Variants in SERAC1 observed in about 807,000 individuals in gnomAD.
SERAC1 encodes serine active site containing 1.
Under a neutral mutation model 85.7 loss-of-function variants are expected in SERAC1, and 36 were observed. That is an observed-to-expected ratio of 0.42 (90% CI 0.32 to 0.55). The LOEUF is 0.55. Among genes scored for constraint, SERAC1 ranks in the 20% least tolerant of loss-of-function variants. The probability of loss-of-function intolerance (pLI) is 0.11; values close to 1 mark genes in which losing one functional copy is unlikely to be tolerated. For synonymous variants in SERAC1, 242 were observed against 265.3 expected, an observed-to-expected ratio of 0.91 and a Z score of 0.85; for missense variants, 629 against 796.2, an observed-to-expected ratio of 0.79 and a Z score of 2.53.
chr6:158,131,099 A>C (rs565058562), intron 8 of SERAC1, among the ~76,000 whole-genome samples: 2 of 151,916 alleles, frequency 1.3e-5, no homozygotes, highest in East Asian at 3.9e-4. Context: ...TTTTCTATTG[A>C]ATGTTTTCAA....
At chr6:158,113,362 A>T (rs1784192575) in intron 16 of SERAC1, 87 bp downstream of exon 16, 2 of 1,058,518 alleles carry the variant, frequency 1.9e-6, no homozygotes, top group South Asian at 3.0e-5. Context: ...TAAAACTGAG[A>T]ACCTGGATAT....
intron 10 of SERAC1, among the ~76,000 whole-genome samples, chr6:158,126,789 C>G (rs1463891419): frequency 6.6e-6 from 1 of 152,110 alleles, no homozygotes; most frequent in African/African-American, 2.4e-5. Context: ...ACAGGCCAGG[C>G]ATGGTAATCT....
intron 8 of SERAC1, among the ~76,000 whole-genome samples, chr6:158,132,481 G>T (rs1784700937): frequency 6.6e-6 from 1 of 152,128 alleles, no homozygotes; most frequent in South Asian, 2.1e-4. Context: ...GCTTTGTCGG[G>T]GGGTAGGAAT....
Position 158,117,701 on chromosome 6 carries a change from T to C in SERAC1, c.1403+26A>G. 1 of 1,613,236 alleles carries C rather than the reference T, an allele frequency of 6.2e-7. No homozygotes were observed. Among genetic ancestry groups the C allele is most frequent in the Non-Finnish European group, 8.5e-7 (1 of 1,179,254 alleles). On this transcript the variant is annotated intron_variant, in intron 13 of 16. Coordinates refer to ENST00000647468, the MANE Select transcript of SERAC1 (RefSeq NM_032861.4). This position sits in a 1 kb window ranked among gnomAD's most constrained non-coding sequence, Gnocchi z 4.3. ...TTGCGGCCTGAATTCTTCCCTGTCC[T>C]CCTGGTCTAAAGTCGCCTCTGTTAC...
intron 1 of SERAC1, among the ~76,000 whole-genome samples, chr6:158,160,723 A>G (rs1275807501): frequency 6.6e-6 from 1 of 152,210 alleles, no homozygotes; most frequent in Non-Finnish European, 1.5e-5. Flanking sequence ...CCTTTAGTAA[A>G]CAGCCACATT....
At chr6:158,125,207 A>G (rs1394384232) in intron 10 of SERAC1, among the ~76,000 whole-genome samples, 42 of 152,314 alleles carry the variant, frequency 2.8e-4, no homozygotes. Context: ...AGTGATTGCT[A>G]TCCCAACTGC....
intron 5 of SERAC1, among the ~76,000 whole-genome samples, chr6:158,148,007 A>C (rs952427322): frequency 6.6e-6 from 1 of 152,096 alleles, no homozygotes; most frequent in Non-Finnish European, 1.5e-5. Flanking sequence ...TATCACACCC[A>C]AAAACACTAA....
Position 158,119,090 on chromosome 6 carries a change from T to A in SERAC1, c.1247A>T (p.Glu416Val). 1 of 1,614,058 alleles carries A rather than the reference T, an allele frequency of 6.2e-7. No individual in the cohort carries two copies. The change falls in exon 12 of 17, where the codon GAG becomes GTG. Residue 416 changes from glutamate (E) to valine (V), a missense_variant. Glu to Val is a moderately radical substitution (Grantham distance 121, BLOSUM62 -2). Transcript: ENST00000647468. This position sits in a 1 kb window ranked among gnomAD's most constrained non-coding sequence, Gnocchi z 4.5. Reference protein sequence around the residue: ...AFKTWRQQDSEQAVIEKPMED... With the variant: ...AFKTWRQQDSVQAVIEKPMED... Reference sequence around the variant, plus strand: ...CATAGGTTTTTCAATTACAGCCTGCTCACTGTCCTGCTGGCGCCATGTTTT... The same window carrying A: ...CATAGGTTTTTCAATTACAGCCTGCACACTGTCCTGCTGGCGCCATGTTTT...
rs367883814 is a variant in SERAC1, at chr6:158,116,067, A to G, written c.1501+118T>C. ...CCATAGCTACACAGATTAATTTAGCAGGGGGGGTAAGGGAGCCGCTATTAA... is the reference window on the plus strand; with the variant it reads ...CCATAGCTACACAGATTAATTTAGCGGGGGGGGTAAGGGAGCCGCTATTAA... On this transcript the variant is annotated intron_variant, in intron 14 of 16. Transcript: ENST00000647468. 2.1e-3 allele frequency: 1,555 copies of G among 728,632 alleles called. 23 individuals carry two copies. The African/African-American group carries it at 0.024, about 11-fold the overall frequency. The allele number at this position is 728,632 out of a possible 1,614,324, so 45.1% of individuals were successfully genotyped here. A position where few individuals can be genotyped will look rare whatever the true frequency, so the allele number is the denominator to read the frequency against.
At chr6:158,121,838 T>C (rs756002825) in intron 10 of SERAC1, among the ~76,000 whole-genome samples, 19 of 152,250 alleles carry the variant, frequency 1.2e-4, no homozygotes, top group Non-Finnish European at 2.6e-4. Flanking sequence ...AAGCCATCTC[T>C]GGCTTTTTTC....
rs1331902072 is a variant in SERAC1, at chr6:158,119,052, T to C, written c.1285A>G (p.Arg429Gly). Residue 429 changes from arginine (R) to glycine (G), a missense_variant, in exon 12 of 17, where the codon AGA (arginine) becomes GGA (glycine). By Grantham distance (125) the Arg-to-Gly change is moderately radical (BLOSUM62 -2). Coordinates refer to ENST00000647468, the MANE Select transcript of SERAC1 (RefSeq NM_032861.4). The surrounding 1 kb of genome is among the most constrained non-coding windows in gnomAD (Gnocchi z 4.5). ...ACCTTGGGCCAGCACGTCGTATATC[T>C]GTCTTCATCCTCCATAGGTTTTTCA... ...VIEKPMEDED[R>G]YTTCWPKTWL... The C allele has an allele frequency of 1.1e-5, 17 of 1,613,406 alleles. No individual in the cohort carries two copies. Among genetic ancestry groups the C allele is most frequent in the Admixed American group, 1.7e-5 (1 of 59,918 alleles).
At chr6:158,140,708 G>T (rs1320885903) in intron 8 of SERAC1, among the ~76,000 whole-genome samples, 1 of 152,178 alleles carries the variant, frequency 6.6e-6, no homozygotes, top group South Asian at 2.1e-4. Context: ...TGAAGTGGGG[G>T]GCAGTCCTGT....
intron 1 of SERAC1, among the ~76,000 whole-genome samples, chr6:158,162,733 A>T (rs1282758753): frequency 6.6e-6 from 1 of 152,180 alleles, no homozygotes; most frequent in Non-Finnish European, 1.5e-5. Flanking sequence ...CATTCGATCC[A>T]TCCACTGAGT....
Position 158,119,162 on chromosome 6 carries a change from A to G in SERAC1, c.1175T>C (p.Ile392Thr), listed in dbSNP as rs1357816966. The G allele has an allele frequency of 6.2e-7, 1 of 1,610,570 alleles. No homozygotes were observed. Among genetic ancestry groups the G allele is most frequent in the South Asian group, 1.1e-5 (1 of 90,544 alleles). ...LHPQYRTSQP[I>T]KADVLFIHGL... ...ATGAATAAAAAGGACATCTGCTTTA[A>G]TGGGCTGACTAATAGGGGAGAGAGT... The change falls in exon 12 of 17, where the codon ATT becomes ACT. Residue 392 changes from isoleucine to threonine, a missense_variant. Ile to Thr is a moderately conservative substitution (Grantham distance 89). Coordinates refer to ENST00000647468, the MANE Select transcript of SERAC1 (RefSeq NM_032861.4). The surrounding 1 kb of genome is among the most constrained non-coding windows in gnomAD (Gnocchi z 4.5).
At chr6:158,141,977 A>ATT (rs527270271) in intron 8 of SERAC1, among the ~76,000 whole-genome samples, 14 of 146,664 alleles carry the variant, frequency 9.5e-5, no homozygotes, top group Non-Finnish European at 1.8e-4. Context: ...TAAAACACTG[A>ATT]TTTTTTTTTT....
chr6:158,123,394 G>C (rs948825246), intron 10 of SERAC1, among the ~76,000 whole-genome samples: 18 of 152,258 alleles, frequency 1.2e-4, no homozygotes, highest in Non-Finnish European at 2.1e-4. Context: ...CTATTACCAA[G>C]AAAAGGAAAG....
intron 10 of SERAC1, among the ~76,000 whole-genome samples, chr6:158,123,921 GAATGA>G (rs1324977205): frequency 6.6e-6 from 1 of 152,162 alleles, no homozygotes; most frequent in Non-Finnish European, 1.5e-5. Flanking sequence ...AAACAAGCTT[GAATGA>G]AAGAAGGATG....
chr6:158,113,069 C>A (rs960376775), intron 16 of SERAC1: 2 of 252,276 alleles, frequency 7.9e-6, no homozygotes, highest in Non-Finnish European at 7.4e-6. Context: ...ACGAAAGCTT[C>A]CACACTTTTA....
chr6:158,139,423 A>C (rs1784867169), intron 8 of SERAC1, among the ~76,000 whole-genome samples: 1 of 152,214 alleles, frequency 6.6e-6, no homozygotes, highest in East Asian at 1.9e-4. Flanking sequence ...CAACTCTTAC[A>C]ATTCAACATA....
Sources: gnomAD v4.1 joint callset for allele counts (sites outside exome capture counted in the v4.1 genomes callset) on GRCh38, gnomAD v4.1.1 for gene constraint, Gnocchi (gnomAD v3.1) non-coding constraint, MANE v1.5 for transcripts, NCBI Gene and HGNC (gene_info 2026-07-23, HGNC 2026-07-21) for gene names.